SND1: variants seen among roughly 807,000 people sequenced by gnomAD.
SND1 encodes staphylococcal nuclease domain-containing protein 1.
A neutral mutation model predicts 121.7 loss-of-function variants in SND1; 38 were observed. The observed-to-expected ratio is 0.31, with a 90% CI of 0.24 to 0.41. The LOEUF is 0.41. Among genes scored for constraint, SND1 ranks in the 10% least tolerant of loss-of-function variants. The probability of loss-of-function intolerance (pLI) is 1.00; values close to 1 mark genes in which losing one functional copy is unlikely to be tolerated. For missense variants in SND1, 868 were observed against 1,184.6 expected (o/e 0.73, Z 3.92); for synonymous variants, 401 against 447.4 (o/e 0.90, Z 1.31).
chr7:127,771,958 T>A (rs1356660240), intron 10 of SND1, among the ~76,000 whole-genome samples: 1 of 152,172 alleles, frequency 6.6e-6, no homozygotes, highest in African/African-American at 2.4e-5. Context: ...TGTTCATCAC[T>A]GGTACTTTCC....
chr7:127,822,825 A>T (rs1798575136), intron 11 of SND1, among the ~76,000 whole-genome samples: 1 of 152,224 alleles, frequency 6.6e-6, no homozygotes, highest in Non-Finnish European at 1.5e-5. Flanking sequence ...ATATCATTGA[A>T]TGTTTAATCA....
At chr7:127,681,288 A>G (rs1795721991) in intron 1 of SND1, among the ~76,000 whole-genome samples, 2 of 152,166 alleles carry the variant, frequency 1.3e-5, no homozygotes, top group Admixed American at 1.3e-4. Flanking sequence ...TTGGACATTT[A>G]TATTTATTTT....
intron 10 of SND1, among the ~76,000 whole-genome samples, chr7:127,771,671 T>G (rs746175546): frequency 1.6e-4 from 25 of 152,190 alleles, no homozygotes; most frequent in Non-Finnish European, 2.6e-4. Context: ...GCTTAATATA[T>G]TTGAATTTGA....
intron 16 of SND1, chr7:128,028,935 A>G (rs1792488085): frequency 6.2e-7 from 1 of 1,610,428 alleles, no homozygotes; most frequent in East Asian, 2.2e-5. Context: ...GTCCACCTGG[A>G]TTATCTCAAC....
intron 4 of SND1, among the ~76,000 whole-genome samples, chr7:127,700,848 C>T (rs1284690760): frequency 1.3e-5 from 2 of 152,172 alleles, no homozygotes; most frequent in African/African-American, 4.8e-5. Flanking sequence ...GAAGCTCTAC[C>T]ACCTGGAGCA....
intron 11 of SND1, among the ~76,000 whole-genome samples, chr7:127,843,555 C>G (rs527648908): frequency 1.3e-5 from 2 of 152,198 alleles, no homozygotes; most frequent in Non-Finnish European, 2.9e-5. Flanking sequence ...TCCTCCATGT[C>G]TTTTCATGGC....
At chr7:127,907,698 C>T (rs1800367854) in intron 14 of SND1, among the ~76,000 whole-genome samples, 1 of 152,188 alleles carries the variant, frequency 6.6e-6, no homozygotes, top group African/African-American at 2.4e-5. Flanking sequence ...GTCTCCTAAA[C>T]ACTCTTAAGA....
chr7:127,748,878 CTTGAG>C (rs1429731556), intron 10 of SND1, among the ~76,000 whole-genome samples: 3 of 152,042 alleles, frequency 2.0e-5, no homozygotes, highest in Non-Finnish European at 4.4e-5. Context: ...GCCTCCAAAC[CTTGAG>C]TATAGACTCA....
intron 10 of SND1, among the ~76,000 whole-genome samples, chr7:127,745,854 T>C (rs568487861): frequency 6.6e-6 from 1 of 152,344 alleles, no homozygotes; most frequent in East Asian, 1.9e-4. Context: ...TAGTCCTGGG[T>C]GGCCTGGGCC....
At chr7:127,908,319 TGTGTG>T (rs1256665854) in intron 14 of SND1, among the ~76,000 whole-genome samples, 46 of 2,152 alleles carry the variant, frequency 0.021, 1 homozygote, top group Middle Eastern at 0.17. Context: ...TAATAATAAA[TGTGTG>T]TGTGTGTGTG....
chr7:128,036,473 C>G (rs1361692977), intron 16 of SND1, among the ~76,000 whole-genome samples: 1 of 152,210 alleles, frequency 6.6e-6, no homozygotes, highest in Non-Finnish European at 1.5e-5. Flanking sequence ...ATCCACTGTT[C>G]TTTTCCCCCA....
intron 10 of SND1, among the ~76,000 whole-genome samples, chr7:127,794,435 A>G (rs766184081): frequency 1.3e-5 from 2 of 152,258 alleles, no homozygotes; most frequent in Admixed American, 1.3e-4. Flanking sequence ...TAATGGTGTC[A>G]TATCCAGCCT....
intron 2 of SND1, 65 bp from the exon 3 acceptor site, chr7:127,694,763 C>A: frequency 6.3e-7 from 1 of 1,593,642 alleles, no homozygotes; most frequent in South Asian, 1.1e-5. Context: ...TATGAAGTTG[C>A]TTGAATGCTG....
chr7:127,745,376 A>G (rs1050412177), intron 10 of SND1, among the ~76,000 whole-genome samples: 6 of 152,222 alleles, frequency 3.9e-5, no homozygotes, highest in African/African-American at 1.4e-4. Flanking sequence ...GTGGTTCATT[A>G]TTGACTGAAA....
chr7:127,672,876 C>T (rs1795548084), intron 1 of SND1, among the ~76,000 whole-genome samples: 1 of 151,914 alleles, frequency 6.6e-6, no homozygotes, highest in African/African-American at 2.4e-5. Context: ...GTAATTTTGG[C>T]AGAAATACCA....
intron 15 of SND1, among the ~76,000 whole-genome samples, chr7:127,988,057 A>G (rs551760843): frequency 4.9e-4 from 75 of 152,336 alleles, no homozygotes; most frequent in African/African-American, 1.6e-3. Flanking sequence ...TCTGGAATCT[A>G]TTGAAGGCTT....
intron 20 of SND1, 46 bp from the exon 21 acceptor site, chr7:128,086,892 G>A (rs1465462529): frequency 1.9e-5 from 28 of 1,459,400 alleles, no homozygotes; most frequent in Non-Finnish European, 2.6e-5. Flanking sequence ...GAGAGAGCAA[G>A]GGGGCAGCGA....
At chr7:127,734,442 C>T (rs1300284190) in intron 10 of SND1, among the ~76,000 whole-genome samples, 1 of 152,060 alleles carries the variant, frequency 6.6e-6, no homozygotes, top group African/African-American at 2.4e-5. Context: ...TGAAGTGGTG[C>T]CTTGTTAGAT....
chr7:128,057,220 G>A (rs551441122), intron 16 of SND1, among the ~76,000 whole-genome samples: 3 of 152,328 alleles, frequency 2.0e-5, no homozygotes, highest in South Asian at 2.1e-4. Context: ...ACTCTGTGGT[G>A]CACAACTGGG....
Sources: gnomAD v4.1 joint callset for allele counts (sites outside exome capture counted in the v4.1 genomes callset) on GRCh38, gnomAD v4.1.1 for gene constraint, MANE v1.5 for transcripts, NCBI Gene and HGNC (gene_info 2026-07-23, HGNC 2026-07-21) for gene names.